Variants in TBC1D5 observed in about 807,000 individuals in gnomAD.
The protein encoded by TBC1D5 is TBC1 domain family, member 5.
TBC1D5 carries 75 observed loss-of-function variants against 100.3 expected under a neutral mutation model. That is an observed-to-expected ratio of 0.75 (90% CI 0.62 to 0.91). TBC1D5 has a LOEUF of 0.91. Among genes scored for constraint, TBC1D5 ranks in the 40% least tolerant of loss-of-function variants. TBC1D5 has a pLI of 0.00. For missense variants in TBC1D5, 910 were observed against 942.4 expected (o/e 0.97, Z 0.45); for synonymous variants, 323 against 325.6 (o/e 0.99, Z 0.09).
At chr3:17,341,202 T>C (rs987508608) in intron 13 of TBC1D5, among the ~76,000 whole-genome samples, 1 of 152,174 alleles carries the variant, frequency 6.6e-6, no homozygotes, top group Non-Finnish European at 1.5e-5. Context: ...AAATTCTGAA[T>C]TCTTTTTTTT....
intron 14 of TBC1D5, among the ~76,000 whole-genome samples, chr3:17,306,257 G>A (rs2083391488): frequency 6.6e-6 from 1 of 151,986 alleles, no homozygotes; most frequent in Non-Finnish European, 1.5e-5. Context: ...CACACTACCT[G>A]TCCACATCCC....
chr3:17,272,321 G>A (rs1197861232), intron 15 of TBC1D5, among the ~76,000 whole-genome samples: 1 of 152,068 alleles, frequency 6.6e-6, no homozygotes, highest in Non-Finnish European at 1.5e-5. Flanking sequence ...TTATTTAGGA[G>A]TTGTTCTATA....
intron 21 of TBC1D5, 140 bp from the exon 23 acceptor site, chr3:17,161,396 T>A: frequency 2.1e-6 from 2 of 962,942 alleles, no homozygotes; most frequent in Admixed American, 2.8e-5. Flanking sequence ...GACGCAGTGT[T>A]TGGCCTGCTG....
At chr3:17,401,377 ATG>A (rs1019820404) in intron 8 of TBC1D5, among the ~76,000 whole-genome samples, 21 of 41,494 alleles carry the variant, frequency 5.1e-4, no homozygotes, top group African/African-American at 2.3e-3. Context: ...TAATATACAT[ATG>A]TATATGTATA....
chr3:17,622,431 G>A (rs1052648804), intron 2 of TBC1D5, among the ~76,000 whole-genome samples: 1 of 152,106 alleles, frequency 6.6e-6, no homozygotes, highest in African/African-American at 2.4e-5. Flanking sequence ...TACCATTTAT[G>A]CGTAGCAATA....
intron 3 of TBC1D5, among the ~76,000 whole-genome samples, chr3:17,451,645 G>GAT (rs2149721610): frequency 6.6e-6 from 1 of 152,246 alleles, no homozygotes; most frequent in African/African-American, 2.4e-5. Context: ...GAAGGGGAGG[G>GAT]ATAGCATTAG....
intron 1 of TBC1D5, among the ~76,000 whole-genome samples, chr3:17,738,258 G>A (rs970310227): frequency 3.3e-5 from 5 of 152,084 alleles, no homozygotes; most frequent in Admixed American, 6.5e-5. Context: ...CAAATAAACT[G>A]TACAATCTCC....
intron 15 of TBC1D5, among the ~76,000 whole-genome samples, chr3:17,273,751 G>A (rs913458298): frequency 6.0e-5 from 9 of 149,088 alleles, no homozygotes; most frequent in African/African-American, 2.2e-4. Context: ...AGGTTGCAGT[G>A]AGCTGAGATC....
At chr3:17,299,573 T>C (rs1216675661) in intron 14 of TBC1D5, among the ~76,000 whole-genome samples, 1 of 152,014 alleles carries the variant, frequency 6.6e-6, no homozygotes, top group Non-Finnish European at 1.5e-5. Flanking sequence ...AAATGTGTCA[T>C]TCTGGCCGGG....
chr3:17,442,697 G>A (rs1280301085), intron 3 of TBC1D5, among the ~76,000 whole-genome samples: 8 of 152,254 alleles, frequency 5.3e-5, no homozygotes, highest in Non-Finnish European at 1.2e-4. Flanking sequence ...TACCACCAAA[G>A]TCCCAGACTA....
intron 19 of TBC1D5, among the ~76,000 whole-genome samples, chr3:17,176,787 C>T (rs1431722710): frequency 2.7e-5 from 4 of 149,626 alleles, no homozygotes; most frequent in African/African-American, 7.4e-5. Context: ...CACCCCAGAA[C>T]TTAAAAGTAT....
intron 13 of TBC1D5, among the ~76,000 whole-genome samples, chr3:17,326,281 T>G (rs2086127545): frequency 1.3e-5 from 2 of 152,188 alleles, no homozygotes; most frequent in Non-Finnish European, 2.9e-5. Context: ...GTAAACTTCC[T>G]GCCAATTTGG....
intron 4 of TBC1D5, among the ~76,000 whole-genome samples, chr3:17,411,229 T>G (rs1172792521): frequency 3.3e-5 from 5 of 152,090 alleles, no homozygotes; most frequent in African/African-American, 4.8e-5. Flanking sequence ...AATAAGGTAT[T>G]TTTAATTAAG....
Position 17,496,922 on chromosome 3 carries a change from C to T in TBC1D5, c.97+11552G>A, listed in dbSNP as rs564878725. ...TTTACAAAAACCTTCTACCTGGCCTCGGCCTACTAGTCCCATCCTGTGTCA... is the reference window on the plus strand; with the variant it reads ...TTTACAAAAACCTTCTACCTGGCCTTGGCCTACTAGTCCCATCCTGTGTCA... On this transcript the variant is annotated intron_variant, in intron 3 of 21. Transcript: ENST00000253692. 6.6e-5 allele frequency among the ~76,000 whole-genome samples: 10 copies of T among 152,274 alleles called. No homozygotes were observed. In the South Asian group the frequency reaches 1.9e-3, roughly 28 times the overall value.
At chr3:17,466,646 A>C (rs1335537469) in intron 3 of TBC1D5, among the ~76,000 whole-genome samples, 2 of 152,210 alleles carry the variant, frequency 1.3e-5, no homozygotes, top group Non-Finnish European at 2.9e-5. Flanking sequence ...GGCTGGCTGT[A>C]ATTTCCTTTA....
intron 2 of TBC1D5, among the ~76,000 whole-genome samples, chr3:17,603,132 A>G (rs2061094640): frequency 6.6e-6 from 1 of 151,806 alleles, no homozygotes; most frequent in Non-Finnish European, 1.5e-5. Flanking sequence ...GAAGAGTTCC[A>G]AAAAGATTCT....
chr3:17,676,043 T>A (rs1226042538), intron 1 of TBC1D5, among the ~76,000 whole-genome samples: 3 of 152,116 alleles, frequency 2.0e-5, no homozygotes, highest in Non-Finnish European at 2.9e-5. Context: ...ACAATGAAAC[T>A]CTCATGACTA....
intron 15 of TBC1D5, among the ~76,000 whole-genome samples, chr3:17,282,737 T>TGTGTGTTGC (rs2080748044): frequency 6.6e-6 from 1 of 152,226 alleles, no homozygotes; most frequent in South Asian, 2.1e-4. Flanking sequence ...CATGAACAAC[T>TGTGTGTTGC]ATTACACACA....
chr3:17,323,954 AC>A (rs2085756674), intron 13 of TBC1D5, among the ~76,000 whole-genome samples: 1 of 152,236 alleles, frequency 6.6e-6, no homozygotes, highest in Non-Finnish European at 1.5e-5. Context: ...TTAATTCAAG[AC>A]AACATAGTAT....
Sources: gnomAD v4.1 joint callset for allele counts (sites outside exome capture counted in the v4.1 genomes callset) on GRCh38, gnomAD v4.1.1 for gene constraint, MANE v1.5 for transcripts, NCBI Gene and HGNC (gene_info 2026-07-23, HGNC 2026-07-21) for gene names.